Variants in CPNE4 observed in about 807,000 individuals in gnomAD.
CPNE4 encodes the protein copine 4.
Under a neutral mutation model 67.9 loss-of-function variants are expected in CPNE4, and 25 were observed. That is an observed-to-expected ratio of 0.37 (90% confidence interval 0.27 to 0.51). CPNE4 has a LOEUF of 0.51. Ranked by LOEUF, CPNE4 falls within the 20% of genes least tolerant of loss-of-function variation. The pLI, the probability that CPNE4 is intolerant of heterozygous loss-of-function variation, is 0.93. For missense variants in CPNE4, 464 were observed against 690.8 expected (o/e 0.67, Z 3.68); for synonymous variants, 242 against 244.9 (o/e 0.99, Z 0.11).
intron 2 of CPNE4, among the ~76,000 whole-genome samples, chr3:131,832,330 AT>A (rs1237468751): frequency 6.6e-6 from 1 of 152,186 alleles, no homozygotes; most frequent in African/African-American, 2.4e-5. Flanking sequence ...ATTCTTCAAG[AT>A]AATAGAAGAG....
At chr3:131,615,205 C>T (rs146517616) in intron 7 of CPNE4, among the ~76,000 whole-genome samples, 1 of 152,238 alleles carries the variant, frequency 6.6e-6, no homozygotes, top group East Asian at 1.9e-4. Context: ...CTCATATTTG[C>T]ACTGTTTACC....
At chr3:131,981,385 G>A (rs2072905927) in intron 1 of CPNE4, among the ~76,000 whole-genome samples, 2 of 152,084 alleles carry the variant, frequency 1.3e-5, no homozygotes, top group South Asian at 4.2e-4. Context: ...GTGGGGAATG[G>A]GGGTGAGATT....
chr3:131,869,971 A>C (rs1007422390), intron 2 of CPNE4, among the ~76,000 whole-genome samples: 1 of 152,184 alleles, frequency 6.6e-6, no homozygotes, highest in Non-Finnish European at 1.5e-5. Flanking sequence ...ACAACATGAG[A>C]CATACAAGGG....
chr3:131,663,926 AT>A (rs1343615769), intron 7 of CPNE4, among the ~76,000 whole-genome samples: 2 of 152,124 alleles, frequency 1.3e-5, no homozygotes, highest in African/African-American at 4.8e-5. Context: ...GGCTCAGTTA[AT>A]AACCTGGGCC....
intron 1 of CPNE4, among the ~76,000 whole-genome samples, chr3:132,005,561 T>C (rs1045231554): frequency 6.6e-6 from 1 of 151,706 alleles, no homozygotes; most frequent in Non-Finnish European, 1.5e-5. Flanking sequence ...CTGACATTCA[T>C]CTATTCAAGT....
intron 2 of CPNE4, among the ~76,000 whole-genome samples, chr3:131,822,300 A>G (rs2084990156): frequency 6.6e-6 from 1 of 152,228 alleles, no homozygotes; most frequent in South Asian, 2.1e-4. Flanking sequence ...AATCCCAAAG[A>G]GAAATTTGTA....
At chr3:131,704,655 A>C (rs988999012) in intron 3 of CPNE4, among the ~76,000 whole-genome samples, 8 of 152,138 alleles carry the variant, frequency 5.3e-5, no homozygotes, top group Admixed American at 1.3e-4. Context: ...GTGACAGATG[A>C]TATGTGGAAC....
At chr3:131,596,161 C>CAAATAAATAAAT (rs140425214) in intron 7 of CPNE4, among the ~76,000 whole-genome samples, 2 of 151,464 alleles carry the variant, frequency 1.3e-5, no homozygotes, top group African/African-American at 4.9e-5. Context: ...AACAAACAAA[C>CAAATAAATAAAT]AAATAAATAA....
intron 7 of CPNE4, among the ~76,000 whole-genome samples, chr3:131,617,909 G>GTCAT (rs1582900290): frequency 6.6e-6 from 1 of 152,172 alleles, no homozygotes; most frequent in Admixed American, 6.6e-5. Context: ...CATCAGTCAA[G>GTCAT]TCATTCATTC....
intron 9 of CPNE4, among the ~76,000 whole-genome samples, chr3:131,576,454 A>G (rs894965965): frequency 4.6e-5 from 7 of 152,178 alleles, no homozygotes; most frequent in African/African-American, 1.2e-4. Context: ...AAAGATAACC[A>G]TTGAATCTAG....
rs137941466 is a variant in CPNE4 at position 132,009,080 on chromosome 3, A to G, written c.-2+25487T>C. Among the ~76,000 whole-genome samples the G allele has an allele frequency of 7.2e-5, 11 of 152,316 alleles. No individual in the cohort carries two copies. The East Asian group carries it at 2.1e-3, about 29-fold the overall frequency. On this transcript the variant is annotated intron_variant, in intron 1 of 15. Transcript: ENST00000429747. The stretch of plus-strand genomic sequence containing the variant: ...AGTGGGTCACTGCGGAGCTGCCCAC[A>G]TCCTCTTACCTAATAGAAGGTGGAC...
At chr3:131,846,061 A>T (rs2085985384) in intron 2 of CPNE4, among the ~76,000 whole-genome samples, 1 of 152,214 alleles carries the variant, frequency 6.6e-6, no homozygotes, top group African/African-American at 2.4e-5. Context: ...GTGAAGCCAG[A>T]CTGCCTAAAT....
intron 2 of CPNE4, among the ~76,000 whole-genome samples, chr3:131,849,473 G>C (rs9823930): frequency 0.56 from 84,353 of 151,164 alleles, 23,626 homozygotes; most frequent in Middle Eastern, 0.63. Flanking sequence ...ACATACTTTC[G>C]AACAAGCAGA....
intron 2 of CPNE4, among the ~76,000 whole-genome samples, chr3:131,821,729 C>T (rs989465040): frequency 1.3e-5 from 2 of 152,210 alleles, no homozygotes; most frequent in African/African-American, 4.8e-5. Context: ...AATTTCCACA[C>T]ATATAACTGC....
intron 7 of CPNE4, among the ~76,000 whole-genome samples, chr3:131,598,854 C>CA (rs1939046772): frequency 6.8e-6 from 1 of 147,808 alleles, no homozygotes; most frequent in African/African-American, 2.6e-5. Flanking sequence ...CCCCCACCCC[C>CA]CCGCCAAAAA....
chr3:131,917,219 T>C (rs145007882), intron 1 of CPNE4, among the ~76,000 whole-genome samples: 354 of 152,320 alleles, frequency 2.3e-3, no homozygotes, highest in Non-Finnish European at 3.2e-3. Flanking sequence ...TTATGTCCAA[T>C]GTGTAATCAT....
intron 1 of CPNE4, among the ~76,000 whole-genome samples, chr3:131,938,094 A>G (rs544041146): frequency 6.8e-6 from 1 of 146,932 alleles, no homozygotes; most frequent in Non-Finnish European, 1.5e-5. Flanking sequence ...GCGGTGGTTT[A>G]CAGATATAAT....
intron 2 of CPNE4, among the ~76,000 whole-genome samples, chr3:131,738,706 T>C (rs1312303569): frequency 4.6e-5 from 7 of 152,232 alleles, no homozygotes; most frequent in African/African-American, 1.2e-4. Flanking sequence ...CTAGGGGATA[T>C]GTTTAGTGGT....
At chr3:131,563,848 A>G (rs1029108943) in intron 11 of CPNE4, among the ~76,000 whole-genome samples, 4 of 152,088 alleles carry the variant, frequency 2.6e-5, no homozygotes, top group Admixed American at 2.6e-4. Context: ...ACGACTCTAA[A>G]GTATACACAA....
Sources: gnomAD v4.1 joint callset for allele counts (sites outside exome capture counted in the v4.1 genomes callset) on GRCh38, gnomAD v4.1.1 for gene constraint, MANE v1.5 for transcripts, NCBI Gene and HGNC (gene_info 2026-07-23, HGNC 2026-07-21) for gene names.